The following CADM2 variants were observed in gnomAD, a reference collection of about 807,000 sequenced individuals.
CADM2 encodes the protein cell adhesion molecule 2, also known as immunoglobulin superfamily member 4D.
CADM2 carries 12 observed loss-of-function variants against 49.8 expected under a neutral mutation model. The observed-to-expected ratio is 0.24, with a 90% CI of 0.15 to 0.39. The LOEUF is 0.39. CADM2 is among the 10% of genes least tolerant of loss of function. The pLI, the probability that CADM2 is intolerant of heterozygous loss-of-function variation, is 1.00. For missense variants in CADM2, 378 were observed against 492.3 expected, an observed-to-expected ratio of 0.77 and a Z score of 2.20; for synonymous variants, 214 against 175.4, an observed-to-expected ratio of 1.22 and a Z score of -1.74.
At chr3:85,933,975 C>A (rs1032206811) in intron 6 of CADM2, among the ~76,000 whole-genome samples, 8 of 151,990 alleles carry the variant, frequency 5.3e-5, no homozygotes, top group African/African-American at 1.7e-4. Context: ...TAATCTCCTC[C>A]AAAAAACATC....
At chr3:85,935,492 C>G (rs186986542) in intron 6 of CADM2, among the ~76,000 whole-genome samples, 1 of 152,086 alleles carries the variant, frequency 6.6e-6, no homozygotes, top group Admixed American at 6.6e-5. Flanking sequence ...TCATCTCAAC[C>G]ACATTTTGCA....
At chr3:85,451,905 G>C (rs1041835644) in intron 1 of CADM2, among the ~76,000 whole-genome samples, 5 of 152,016 alleles carry the variant, frequency 3.3e-5, no homozygotes, top group African/African-American at 1.2e-4. Context: ...TTATTTAGAA[G>C]AGTTTTAAAG....
chr3:85,091,036 T>C (rs1336110204), intron 1 of CADM2, among the ~76,000 whole-genome samples: 2 of 152,180 alleles, frequency 1.3e-5, no homozygotes, highest in Admixed American at 6.6e-5. Context: ...CCTAGGGTTA[T>C]TGATAAAATG....
At chr3:85,761,746 G>A (rs1417168841) in intron 2 of CADM2, among the ~76,000 whole-genome samples, 1 of 152,148 alleles carries the variant, frequency 6.6e-6, no homozygotes, top group African/African-American at 2.4e-5. Flanking sequence ...TGGGAAAAGA[G>A]ATGATCTCAT....
At position 86,038,155 on chromosome 3, in the gene CADM2, C is replaced by CA. The variant is rs769207659; in HGVS notation, c.971-27441dup. Reference sequence around the variant, plus strand: ...CAGCTTGCTTTCCCTCTTGTTGATACAAAAAAAAAGTTAGTTTTAGAAAAA... The same window carrying CA: ...CAGCTTGCTTTCCCTCTTGTTGATACAAAAAAAAAAGTTAGTTTTAGAAAAA... On this transcript the variant is annotated intron_variant, in intron 8 of 9. Coordinates refer to ENST00000383699, the MANE Select transcript of CADM2 (RefSeq NM_001167675.2). 4.4e-4 allele frequency among the ~76,000 whole-genome samples: 66 copies of CA among 149,860 alleles called. 1 individual carries two copies. The highest frequency in any genetic ancestry group is 3.2e-3 in the Admixed American group (48 of 15,074).
Position 84,959,653 on chromosome 3 carries a change from G to A in CADM2, c.46G>A (p.Gly16Arg). ...SAVLRFYSVC[G>R]LLLQAAASKN... ...CGTTCTCCGCTTCTACAGTGTCTGC[G>A]GGCTCCTGCTACAAGGTAATCCCCG... The change falls in exon 1 of 10, where the codon GGG becomes AGG. Residue 16 changes from glycine (G) to arginine (R), a missense_variant. Transcript: ENST00000383699. 6.5e-7 allele frequency: 1 copy of A among 1,536,988 alleles called. No homozygotes were observed. The highest frequency in any genetic ancestry group is 8.7e-7 in the Non-Finnish European group (1 of 1,146,864).
chr3:85,446,538 A>G (rs1014150901), intron 1 of CADM2, among the ~76,000 whole-genome samples: 2 of 151,844 alleles, frequency 1.3e-5, no homozygotes, highest in African/African-American at 4.8e-5. Flanking sequence ...TAGCATTTGA[A>G]GATAAGGATA....
At chr3:85,826,565 T>C (rs1191182469) in intron 3 of CADM2, among the ~76,000 whole-genome samples, 1 of 152,042 alleles carries the variant, frequency 6.6e-6, no homozygotes, top group Non-Finnish European at 1.5e-5. Flanking sequence ...TTCCTCTTTC[T>C]CTCACTTGCA....
intron 1 of CADM2, among the ~76,000 whole-genome samples, chr3:85,122,346 A>G (rs952444395): frequency 6.6e-6 from 1 of 152,080 alleles, no homozygotes; most frequent in African/African-American, 2.4e-5. Context: ...GAGAATATTC[A>G]CTCAAGTTAC....
intron 1 of CADM2, among the ~76,000 whole-genome samples, chr3:85,357,274 C>T (rs928012906): frequency 2.0e-5 from 3 of 152,024 alleles, no homozygotes; most frequent in African/African-American, 7.2e-5. Flanking sequence ...GCTGAAATTT[C>T]AAACATTAAC....
chr3:85,530,321 C>T (rs2061270881), intron 1 of CADM2, among the ~76,000 whole-genome samples: 1 of 119,058 alleles, frequency 8.4e-6, no homozygotes, highest in African/African-American at 3.9e-5. Flanking sequence ...TTCTTTTCTC[C>T]GTTTTTTTTT....
At chr3:85,122,608 C>G (rs1400258099) in intron 1 of CADM2, among the ~76,000 whole-genome samples, 1 of 151,990 alleles carries the variant, frequency 6.6e-6, no homozygotes. Context: ...CATGTTTAAT[C>G]CATACATCTA....
At chr3:85,058,876 A>AC (rs1559639196) in intron 1 of CADM2, among the ~76,000 whole-genome samples, 1 of 152,044 alleles carries the variant, frequency 6.6e-6, no homozygotes, top group Non-Finnish European at 1.5e-5. Flanking sequence ...TTTATATATA[A>AC]CACAGAAAAA....
chr3:85,532,382 T>G (rs1398209705), intron 1 of CADM2, among the ~76,000 whole-genome samples: 1 of 152,140 alleles, frequency 6.6e-6, no homozygotes, highest in South Asian at 2.1e-4. Flanking sequence ...TGGAGCAAAT[T>G]TTTTTTATCT....
At chr3:85,976,422 T>A (rs1218651514) in intron 8 of CADM2, among the ~76,000 whole-genome samples, 1 of 151,598 alleles carries the variant, frequency 6.6e-6, no homozygotes, top group Non-Finnish European at 1.5e-5. Context: ...ATTCAATTGA[T>A]CTTACATCGT....
At chr3:86,065,321 G>A (rs1407576914) in intron 8 of CADM2, among the ~76,000 whole-genome samples, 1 of 152,132 alleles carries the variant, frequency 6.6e-6, no homozygotes, top group Non-Finnish European at 1.5e-5. Context: ...GAGGTGAGGA[G>A]GAAGGAAAGG....
intron 1 of CADM2, among the ~76,000 whole-genome samples, chr3:85,600,774 A>T (rs2063368533): frequency 6.6e-6 from 1 of 151,680 alleles, no homozygotes; most frequent in African/African-American, 2.4e-5. Context: ...CAGTATCATG[A>T]TATACTTACT....
At chr3:85,442,500 A>G (rs2037250639) in intron 1 of CADM2, among the ~76,000 whole-genome samples, 1 of 150,770 alleles carries the variant, frequency 6.6e-6, no homozygotes, top group East Asian at 1.9e-4. Context: ...TTCAAAGCAA[A>G]GTGAGAGAGG....
chr3:86,036,932 T>G (rs1735241367), intron 8 of CADM2, among the ~76,000 whole-genome samples: 1 of 152,154 alleles, frequency 6.6e-6, no homozygotes, highest in Non-Finnish European at 1.5e-5. Flanking sequence ...CACCTCAGTC[T>G]TCTTTATTTT....
Sources: allele counts gnomAD v4.1 joint callset (sites outside exome capture counted in the v4.1 genomes callset), GRCh38; gene constraint gnomAD v4.1.1; transcripts MANE v1.5; gene names NCBI Gene and HGNC (gene_info 2026-07-23, HGNC 2026-07-21).